The following DCAF6 variants were observed in gnomAD, a reference collection of about 807,000 sequenced individuals.
DCAF6 encodes the protein DDB1 and CUL4 associated factor 6.
DCAF6 carries 54 observed loss-of-function variants against 125.1 expected under a neutral mutation model. The observed-to-expected ratio is 0.43, with a 90% CI of 0.35 to 0.54. The LOEUF (loss-of-function observed/expected upper bound fraction) is 0.54. Among genes scored for constraint, DCAF6 ranks in the 20% least tolerant of loss-of-function variants. DCAF6 has a pLI of 0.01. For synonymous variants in DCAF6, 371 were observed against 390.4 expected, an observed-to-expected ratio of 0.95 and a Z score of 0.58; for missense variants, 934 against 1,161.7, an observed-to-expected ratio of 0.80 and a Z score of 2.85.
intron 2 of DCAF6, among the ~76,000 whole-genome samples, chr1:167,952,846 G>A (rs1328113156): frequency 6.6e-6 from 1 of 152,128 alleles, no homozygotes; most frequent in Admixed American, 6.5e-5. Flanking sequence ...ATCCAAAACA[G>A]AGCTCTTTTC....
chr1:168,063,608 G>T lies in DCAF6; in HGVS notation c.2301-13G>T. The T allele has an allele frequency of 1.4e-6, 2 of 1,479,502 alleles. No individual in the cohort carries two copies. Among genetic ancestry groups the T allele is most frequent in the South Asian group, 1.4e-5 (1 of 69,916 alleles). 91.6% of individuals were successfully genotyped at this position (1,479,502 alleles called of 1,614,324 possible). A position where few individuals can be genotyped will look rare whatever the true frequency, so the allele number is the denominator to read the frequency against. On this transcript the variant is annotated splice_polypyrimidine_tract_variant and intron_variant, in intron 17 of 21. Transcript: ENST00000367840. ...TTATTTATTTTTGTTTTTTTAATAT[G>T]TAATTCATATAGACGCTCTGCTGTT... is the stretch of plus-strand genomic sequence containing the variant.
chr1:167,910,762 G>A, the DCAF6 span, among the ~76,000 whole-genome samples: 1 of 152,180 alleles, frequency 6.6e-6, no homozygotes, highest in East Asian at 1.9e-4. Flanking sequence ...AGATAGGACT[G>A]AGCAGAACTG....
chr1:167,894,073 G>A, the DCAF6 span: 2 of 697,948 alleles, frequency 2.9e-6, no homozygotes, highest in Non-Finnish European at 2.6e-6. Flanking sequence ...AGGAGACTCT[G>A]GGACACCTAG....
rs76439828 is a variant in DCAF6 at position 168,044,476 on chromosome 1, C to G, written c.1844-109C>G. On this transcript the variant is annotated intron_variant, in intron 14 of 21. Transcript: ENST00000367840. ...GCATAGGTTATATGCAAATATTATG[C>G]CATTATATATGAGGGACTTGAGGAG... The G allele has an allele frequency of 3.6e-3, 2,593 of 725,008 alleles. 54 individuals carry two copies. In the African/African-American group the frequency reaches 0.04, roughly 11 times the overall value. The allele number at this position is 725,008 out of a possible 1,614,324, so 44.9% of individuals were successfully genotyped here.
chr1:168,005,151 T>G (rs919934793), intron 10 of DCAF6, among the ~76,000 whole-genome samples: 2 of 152,160 alleles, frequency 1.3e-5, no homozygotes, highest in Non-Finnish European at 2.9e-5. Flanking sequence ...TTAAAGTGAT[T>G]ATGAAAATAT....
chr1:167,963,919 A>G (rs12094142), intron 2 of DCAF6, among the ~76,000 whole-genome samples: 4,573 of 152,304 alleles, frequency 0.03, 234 homozygotes, highest in African/African-American at 0.1. Flanking sequence ...AGTACAAAGT[A>G]ATTTTAAATC....
chr1:167,925,971 T>C, the DCAF6 span, among the ~76,000 whole-genome samples: 1 of 152,232 alleles, frequency 6.6e-6, no homozygotes, highest in African/African-American at 2.4e-5. Context: ...TCTAATTTAA[T>C]CCTAAAGTCC....
At chr1:168,000,489 A>C (rs186522560) in intron 7 of DCAF6, among the ~76,000 whole-genome samples, 1 of 152,178 alleles carries the variant, frequency 6.6e-6, no homozygotes, top group Non-Finnish European at 1.5e-5. Context: ...CTATGTTTCA[A>C]TTCTTTTGGG....
intron 1 of DCAF6, among the ~76,000 whole-genome samples, chr1:167,946,663 G>A (rs578143080): frequency 1.3e-5 from 2 of 152,214 alleles, no homozygotes; most frequent in East Asian, 3.9e-4. Context: ...TTGATATGAT[G>A]TATCACATTT....
chr1:167,962,490 G>C (rs1470494862), intron 2 of DCAF6, among the ~76,000 whole-genome samples: 1 of 152,034 alleles, frequency 6.6e-6, no homozygotes, highest in Non-Finnish European at 1.5e-5. Context: ...TTGAACTCTG[G>C]TCTGTCTGAA....
intron 18 of DCAF6, 80 bp downstream of exon 18, chr1:168,063,839 A>G: frequency 7.3e-7 from 1 of 1,362,614 alleles, no homozygotes; most frequent in Non-Finnish European, 1.0e-6. Context: ...TTATCTTCAT[A>G]TATTGCCAAT....
At chr1:168,019,279 A>G (rs1334673920) in intron 11 of DCAF6, among the ~76,000 whole-genome samples, 1 of 152,096 alleles carries the variant, frequency 6.6e-6, no homozygotes. Flanking sequence ...TGATCTCCTG[A>G]CCTTGTGATC....
chr1:168,004,896 A>G (rs1306440037), intron 10 of DCAF6, 103 bp downstream of exon 10: 1 of 1,286,518 alleles, frequency 7.8e-7, no homozygotes. Flanking sequence ...TCTTGTTGGA[A>G]TAAATGATCA....
chr1:167,866,391 A>T, the DCAF6 span, among the ~76,000 whole-genome samples: 12 of 152,324 alleles, frequency 7.9e-5, no homozygotes, highest in South Asian at 2.3e-3. Context: ...TTAGTGAGTG[A>T]TGTTAATAAA....
the DCAF6 span, among the ~76,000 whole-genome samples, chr1:167,866,059 G>C: frequency 6.6e-6 from 1 of 152,206 alleles, no homozygotes; most frequent in African/African-American, 2.4e-5. Context: ...GATGCAATGA[G>C]CTTAAGAATT....
At position 167,974,934 on chromosome 1, in the gene DCAF6, A is replaced by C. The variant is rs562768510; in HGVS notation, c.357A>C (p.Val119=). The C allele has an allele frequency of 6.2e-7, 1 of 1,609,904 alleles. No individual in the cohort carries two copies. The highest frequency in any genetic ancestry group is 1.7e-5 in the Admixed American group (1 of 59,618). The change falls in exon 4 of 22, where the codon GTA becomes GTC. Residue 119 remains valine (V), a synonymous_variant. Coordinates refer to ENST00000367840, the MANE Select transcript of DCAF6 (RefSeq NM_001198956.2). ...KQIVSCSGDG[V]IFYTNVEQDA... Reference sequence around the variant, plus strand: ...TTGTATCCTGCTCTGGAGATGGAGTAATATTTTATACCAACGTTGAGCAAG... The same window carrying C: ...TTGTATCCTGCTCTGGAGATGGAGTCATATTTTATACCAACGTTGAGCAAG...
At chr1:167,911,377 C>G in the DCAF6 span, among the ~76,000 whole-genome samples, 3 of 152,210 alleles carry the variant, frequency 2.0e-5, no homozygotes, top group Non-Finnish European at 4.4e-5. Context: ...TCTTGGCTCC[C>G]ACAATGTAGC....
chr1:167,895,393 C>G, the DCAF6 span, among the ~76,000 whole-genome samples: 3 of 152,124 alleles, frequency 2.0e-5, no homozygotes, highest in East Asian at 1.9e-4. Context: ...TCCCCACTCC[C>G]CACCCCACTG....
chr1:168,009,309 TTTCTC>T (rs548857693), intron 10 of DCAF6, among the ~76,000 whole-genome samples: 124 of 152,066 alleles, frequency 8.2e-4, no homozygotes, highest in Non-Finnish European at 1.1e-3. Context: ...TTTTCTTTTC[TTTCTC>T]TTCTCTTCTC....
Sources: allele counts gnomAD v4.1 joint callset (sites outside exome capture counted in the v4.1 genomes callset), GRCh38; gene constraint gnomAD v4.1.1; transcripts MANE v1.5; gene names NCBI Gene and HGNC (gene_info 2026-07-23, HGNC 2026-07-21).